ZNF385D: variants seen among roughly 807,000 people sequenced by gnomAD.
ZNF385D encodes zinc finger protein 659.
ZNF385D carries 15 observed loss-of-function variants against 35.8 expected under a neutral mutation model. The ratio of observed to expected loss-of-function variants is 0.42; its 90% CI spans 0.28 to 0.64. The LOEUF (loss-of-function observed/expected upper bound fraction) is 0.64, where lower values mean the gene tolerates loss of function less well. Ranked by LOEUF, ZNF385D falls within the 30% of genes least tolerant of loss-of-function variation. The probability of loss-of-function intolerance (pLI) is 0.23; values close to 1 mark genes in which losing one functional copy is unlikely to be tolerated. For synonymous variants in ZNF385D, 212 were observed against 186.8 expected, an observed-to-expected ratio of 1.13 and a Z score of -1.10; for missense variants, 474 against 494.6, an observed-to-expected ratio of 0.96 and a Z score of 0.39.
At chr3:21,691,577 C>T (rs969678170) in intron 1 of ZNF385D, among the ~76,000 whole-genome samples, 1 of 152,058 alleles carries the variant, frequency 6.6e-6, no homozygotes, top group Admixed American at 6.6e-5. Flanking sequence ...TGGCAAGCCA[C>T]CCCCTTCTTT....
At chr3:21,841,433 C>A (rs564063275) in intron 3 of ZNF385D, among the ~76,000 whole-genome samples, 67 of 143,636 alleles carry the variant, frequency 4.7e-4, no homozygotes, top group African/African-American at 1.5e-3. Context: ...AAGAACATTT[C>A]ATTTTAAAAA....
chr3:21,436,748 C>A (rs1203735487), intron 5 of ZNF385D: 8 of 513,946 alleles, frequency 1.6e-5, no homozygotes, highest in African/African-American at 1.5e-4. Context: ...TAATAACACA[C>A]ACATACACAC....
At position 21,929,576 on chromosome 3, in the gene ZNF385D, C is replaced by T. The variant is rs115958418; in HGVS notation, c.325+239241G>A. Among the ~76,000 whole-genome samples, 767 of 151,858 alleles carry T rather than the reference C, an allele frequency of 5.1e-3. 8 individuals carry two copies. The highest frequency in any genetic ancestry group is 0.018 in the African/African-American group (731 of 41,424). ...ACATTCTAAAGAACCCACAAAAATG[C>T]TACTAGAAATAATAAACAAGTTCAG... On this transcript the variant is annotated intron_variant, in intron 3 of 5. Transcript: ENST00000494108.
chr3:22,334,163 G>A (rs905177678), intron 2 of ZNF385D, among the ~76,000 whole-genome samples: 8 of 152,074 alleles, frequency 5.3e-5, no homozygotes, highest in Non-Finnish European at 1.0e-4. Flanking sequence ...GTTATCCACT[G>A]ATATATTTAG....
Position 22,046,168 on chromosome 3 carries a change from C to G in ZNF385D, c.325+122649G>C, listed in dbSNP as rs540945933. 3.9e-5 allele frequency among the ~76,000 whole-genome samples: 6 copies of G among 152,162 alleles called. No homozygotes were observed. The South Asian group carries it at 1.2e-3, about 32-fold the overall frequency. On this transcript the variant is annotated intron_variant, in intron 3 of 5. Coordinates refer to the ZNF385D transcript ENST00000494108. ...GCTAAGTGGAATAAACAAATGGCCA[C>G]TAAGAGGAAAAAGTCAAAGGAAAAT...
At position 22,075,551 on chromosome 3, in the gene ZNF385D, G is replaced by A. The variant is rs549305672; in HGVS notation, c.325+93266C>T. On this transcript the variant is annotated intron_variant, in intron 3 of 5. Coordinates refer to the ZNF385D transcript ENST00000494108. Reference sequence around the variant, plus strand: ...GGATTTCATGTAACTCATGCCCCTGGTTTTCTCTTCCAGAATGACCACTCT... The same window carrying A: ...GGATTTCATGTAACTCATGCCCCTGATTTTCTCTTCCAGAATGACCACTCT... Among the ~76,000 whole-genome samples, 3 of 151,896 alleles carry A rather than the reference G, an allele frequency of 2.0e-5. No homozygotes were observed. In the South Asian group the frequency reaches 6.2e-4, roughly 32 times the overall value.
At chr3:21,929,576 C>G (rs115958418) in intron 3 of ZNF385D, among the ~76,000 whole-genome samples, 5 of 151,742 alleles carry the variant, frequency 3.3e-5, no homozygotes, top group African/African-American at 1.2e-4. Flanking sequence ...CACAAAAATG[C>G]TACTAGAAAT....
At chr3:21,605,295 T>C (rs951098542) in intron 2 of ZNF385D, among the ~76,000 whole-genome samples, 3 of 152,126 alleles carry the variant, frequency 2.0e-5, no homozygotes, top group African/African-American at 7.2e-5. Context: ...AGGATTTGTA[T>C]TGGACTCAGT....
intron 3 of ZNF385D, among the ~76,000 whole-genome samples, chr3:21,761,904 G>C (rs568619363): frequency 1.0e-3 from 111 of 108,688 alleles, no homozygotes; most frequent in Non-Finnish European, 1.5e-3. Flanking sequence ...TTTTGAGACG[G>C]AGTCTCGCTC....
intron 2 of ZNF385D, among the ~76,000 whole-genome samples, chr3:21,573,229 G>A (rs2125681655): frequency 6.6e-6 from 1 of 152,282 alleles, no homozygotes; most frequent in Non-Finnish European, 1.5e-5. Flanking sequence ...AAATCGCTAT[G>A]TAAAAGATAA....
intron 2 of ZNF385D, among the ~76,000 whole-genome samples, chr3:22,221,632 T>G (rs1319811265): frequency 6.6e-6 from 1 of 152,168 alleles, no homozygotes; most frequent in East Asian, 1.9e-4. Flanking sequence ...TTTGTAGCTG[T>G]GCGTTTTTGA....
At chr3:21,704,413 TC>T (rs963688395) in intron 1 of ZNF385D, among the ~76,000 whole-genome samples, 1 of 151,920 alleles carries the variant, frequency 6.6e-6, no homozygotes, top group Non-Finnish European at 1.5e-5. Context: ...TTACCTGTCT[TC>T]CCCTTGAATA....
chr3:22,019,920 T>C (rs988397460), intron 3 of ZNF385D, among the ~76,000 whole-genome samples: 2 of 151,902 alleles, frequency 1.3e-5, no homozygotes, highest in Non-Finnish European at 2.9e-5. Context: ...ATTTAAAGTC[T>C]TTTTATGAAT....
intron 3 of ZNF385D, among the ~76,000 whole-genome samples, chr3:21,555,895 G>GAA (rs2062716350): frequency 1.3e-5 from 2 of 151,912 alleles, no homozygotes; most frequent in Non-Finnish European, 2.9e-5. Context: ...ACTTTTTAAT[G>GAA]CTTGCCATTC....
intron 3 of ZNF385D, among the ~76,000 whole-genome samples, chr3:22,024,181 G>T (rs922524263): frequency 6.6e-6 from 1 of 152,084 alleles, no homozygotes; most frequent in African/African-American, 2.4e-5. Context: ...GATGCTTCCT[G>T]CCCTAGAACA....
chr3:22,321,161 C>G (rs1448097178), intron 2 of ZNF385D, among the ~76,000 whole-genome samples: 29 of 51,588 alleles, frequency 5.6e-4, no homozygotes, highest in South Asian at 1.9e-3. Context: ...CACTTATGAC[C>G]TTGTTTTTTT....
chr3:22,330,542 C>T (rs1265210189), intron 2 of ZNF385D, among the ~76,000 whole-genome samples: 1 of 152,046 alleles, frequency 6.6e-6, no homozygotes, highest in East Asian at 1.9e-4. Context: ...AAATTCAAGT[C>T]TTATAATGAT....
chr3:22,199,365 G>A (rs1696631139), intron 2 of ZNF385D, among the ~76,000 whole-genome samples: 1 of 152,092 alleles, frequency 6.6e-6, no homozygotes. Context: ...TAAATAGGCA[G>A]CGTCATTAAC....
intron 3 of ZNF385D, among the ~76,000 whole-genome samples, chr3:22,071,185 T>C (rs79972906): frequency 0.068 from 10,348 of 152,206 alleles, 454 homozygotes; most frequent in East Asian, 0.12. Context: ...CTTTCTCTTA[T>C]TCTCTTTAAA....
Sources: allele counts gnomAD v4.1 joint callset (sites outside exome capture counted in the v4.1 genomes callset), GRCh38; gene constraint gnomAD v4.1.1; transcripts MANE v1.5; gene names NCBI Gene and HGNC (gene_info 2026-07-23, HGNC 2026-07-21).